BTBD9: variants seen among roughly 807,000 people sequenced by gnomAD.
BTBD9 encodes the protein BTB/POZ domain-containing protein 9.
In BTBD9, 49 loss-of-function variants were observed where a neutral mutation model predicts 64.3. The ratio of observed to expected loss-of-function variants is 0.76; its 90% CI spans 0.61 to 0.97. The LOEUF (loss-of-function observed/expected upper bound fraction) is 0.97. BTBD9 is among the 50% of genes least tolerant of loss of function. BTBD9 has a pLI of 0.00. For missense variants in BTBD9, 598 were observed against 762.1 expected (o/e 0.78, Z 2.53); for synonymous variants, 260 against 274.7 (o/e 0.95, Z 0.53).
chr6:38,288,789 T>C (rs1561977607), intron 7 of BTBD9, among the ~76,000 whole-genome samples: 1 of 151,712 alleles, frequency 6.6e-6, no homozygotes, highest in Non-Finnish European at 1.5e-5. Flanking sequence ...CAGCCAGGCG[T>C]GGTGGCGTGT....
intron 6 of BTBD9, among the ~76,000 whole-genome samples, chr6:38,516,344 C>A (rs981066372): frequency 6.6e-6 from 1 of 152,046 alleles, no homozygotes; most frequent in African/African-American, 2.4e-5. Flanking sequence ...TGTTTAAACA[C>A]CTATAGAGCT....
intron 6 of BTBD9, among the ~76,000 whole-genome samples, chr6:38,449,865 C>A (rs952980617): frequency 1.3e-5 from 2 of 152,134 alleles, no homozygotes; most frequent in African/African-American, 2.4e-5. Context: ...TGACATTAGT[C>A]TGGGCAATGA....
chr6:38,639,630 C>A (rs1233625706), intron 1 of BTBD9, among the ~76,000 whole-genome samples, 170 bp downstream of exon 1: 1 of 152,164 alleles, frequency 6.6e-6, no homozygotes, highest in African/African-American at 2.4e-5. Context: ...TCCCAGAGCA[C>A]CCGGGCCCAA....
intron 6 of BTBD9, among the ~76,000 whole-genome samples, chr6:38,556,656 TCA>T (rs1562335975): frequency 1.3e-5 from 2 of 150,652 alleles, no homozygotes; most frequent in African/African-American, 4.9e-5. Flanking sequence ...CTTTGAAGCC[TCA>T]CACACAAAAA....
chr6:38,598,192 C>T, intron 1 of BTBD9, 71 bp from the exon 2 acceptor site: 3 of 1,189,608 alleles, frequency 2.5e-6, no homozygotes, highest in Non-Finnish European at 3.5e-6. Context: ...TTACCATAAA[C>T]ACAGCTAAGT....
At chr6:38,637,076 A>G (rs1318318626) in intron 1 of BTBD9, among the ~76,000 whole-genome samples, 1 of 152,110 alleles carries the variant, frequency 6.6e-6, no homozygotes, top group Non-Finnish European at 1.5e-5. Flanking sequence ...CCTCAGAGCT[A>G]AGCTCCATCC....
At chr6:38,336,326 C>A (rs915280786) in intron 7 of BTBD9, among the ~76,000 whole-genome samples, 3 of 152,006 alleles carry the variant, frequency 2.0e-5, no homozygotes, top group Non-Finnish European at 4.4e-5. Context: ...TCTCATGCTG[C>A]TATGAAGAAA....
chr6:38,358,820 G>A (rs939345825), intron 6 of BTBD9, among the ~76,000 whole-genome samples: 5 of 150,612 alleles, frequency 3.3e-5, no homozygotes, highest in Admixed American at 1.3e-4. Flanking sequence ...GCCGGACTGC[G>A]GACTGCAGTG....
intron 6 of BTBD9, among the ~76,000 whole-genome samples, chr6:38,563,303 C>T (rs901344600): frequency 1.3e-5 from 2 of 152,174 alleles, no homozygotes; most frequent in Admixed American, 1.3e-4. Flanking sequence ...CATCTTCAAG[C>T]CTGTATCTAA....
At chr6:38,316,979 G>C (rs1763050763) in intron 7 of BTBD9, among the ~76,000 whole-genome samples, 1 of 152,054 alleles carries the variant, frequency 6.6e-6, no homozygotes, top group African/African-American at 2.4e-5. Context: ...TAGGGTAAAA[G>C]GTTTTCCTTT....
At chr6:38,540,870 C>T (rs975097445) in intron 6 of BTBD9, among the ~76,000 whole-genome samples, 1 of 152,128 alleles carries the variant, frequency 6.6e-6, no homozygotes, top group African/African-American at 2.4e-5. Context: ...GAATTTAACT[C>T]CAAAGCAAAG....
chr6:38,296,920 G>A lies in BTBD9; in HGVS notation c.1265-8459C>T, dbSNP rs540173011. 8.5e-5 allele frequency among the ~76,000 whole-genome samples: 13 copies of A among 152,232 alleles called. No individual in the cohort carries two copies. The East Asian group carries it at 2.3e-3, about 27-fold the overall frequency. ...AGATTTACTTTGTGGTCTAGTACAT[G>A]GCTAATTCTTATGAATGTCTTATGT... On this transcript the variant is annotated intron_variant, in intron 7 of 10. Coordinates refer to ENST00000481247, the MANE Select transcript of BTBD9 (RefSeq NM_001099272.2).
intron 8 of BTBD9, among the ~76,000 whole-genome samples, chr6:38,257,712 A>G (rs982246902): frequency 2.6e-5 from 4 of 152,154 alleles, no homozygotes; most frequent in Admixed American, 1.3e-4. Context: ...TTCTGCCCAG[A>G]TAAGAACTTA....
At chr6:38,277,345 T>C (rs1278710064) in intron 8 of BTBD9, among the ~76,000 whole-genome samples, 4 of 152,110 alleles carry the variant, frequency 2.6e-5, no homozygotes, top group African/African-American at 7.2e-5. Context: ...AACTTTTTTT[T>C]TTTTTTGAGA....
At chr6:38,612,603 C>T (rs952234068) in intron 1 of BTBD9, among the ~76,000 whole-genome samples, 1 of 152,062 alleles carries the variant, frequency 6.6e-6, no homozygotes, top group Admixed American at 6.5e-5. Context: ...TATTTATTCC[C>T]AAGATGACTT....
At chr6:38,327,942 T>C (rs894553010) in intron 7 of BTBD9, among the ~76,000 whole-genome samples, 4 of 152,232 alleles carry the variant, frequency 2.6e-5, no homozygotes, top group Non-Finnish European at 5.9e-5. Context: ...TTAGTGGCTA[T>C]ATTTGGGAGC....
intron 6 of BTBD9, among the ~76,000 whole-genome samples, chr6:38,391,026 G>C (rs9380743): frequency 0.4 from 61,006 of 151,932 alleles, 15,171 homozygotes; most frequent in East Asian, 0.95. Flanking sequence ...TATTGTCTCC[G>C]TAATCCTGGA....
chr6:38,178,966 CCTCAG>C (rs1416898454), intron 10 of BTBD9, among the ~76,000 whole-genome samples: 7 of 152,110 alleles, frequency 4.6e-5, no homozygotes, highest in Admixed American at 3.9e-4. Context: ...GATTCTCCTG[CCTCAG>C]CCTCCTAAGT....
chr6:38,374,307 G>GTGTATATATATATATATATGTA (rs1554143563), intron 6 of BTBD9, among the ~76,000 whole-genome samples: 1 of 59,124 alleles, frequency 1.7e-5, no homozygotes, highest in African/African-American at 7.9e-5. Context: ...GTATATATAT[G>GTGTATATATATATATATATGTA]TATATATATA....
Sources: gnomAD v4.1 joint callset for allele counts (sites outside exome capture counted in the v4.1 genomes callset) on GRCh38, gnomAD v4.1.1 for gene constraint, MANE v1.5 for transcripts, NCBI Gene and HGNC (gene_info 2026-07-23, HGNC 2026-07-21) for gene names.